The following SLC6A15 variants were observed in gnomAD, a reference collection of about 807,000 sequenced individuals.
SLC6A15 encodes solute carrier family 6 member 15, also known as sodium-dependent neutral amino acid transporter B(0)AT2.
In SLC6A15, 33 loss-of-function variants were observed where a neutral mutation model predicts 68.5. The ratio of observed to expected loss-of-function variants is 0.48; its 90% CI spans 0.37 to 0.64. SLC6A15 has a LOEUF of 0.64. Among genes scored for constraint, SLC6A15 ranks in the 30% least tolerant of loss-of-function variants. The pLI is 0.00. For synonymous variants in SLC6A15, 347 were observed against 301.0 expected, an observed-to-expected ratio of 1.15 and a Z score of -1.58; for missense variants, 747 against 874.3, an observed-to-expected ratio of 0.85 and a Z score of 1.84.
At chr12:84,899,818 T>C (rs779986128) in intron 1 of SLC6A15, among the ~76,000 whole-genome samples, 14 of 152,140 alleles carry the variant, frequency 9.2e-5, no homozygotes, top group Non-Finnish European at 1.6e-4. Context: ...TCTTCATATA[T>C]TTTTCAAAAT....
rs766876266 is a variant in SLC6A15 at position 84,892,043 on chromosome 12, A to G, written c.78T>C (p.Asn26=). 6.8e-6 allele frequency: 11 copies of G among 1,613,380 alleles called. No individual in the cohort carries two copies. The highest frequency in any genetic ancestry group is 9.3e-6 in the Non-Finnish European group (11 of 1,179,870). The part of the protein sequence containing the change: ...VTESVKDLLS[N]EDAADDAFKT... ...TAAAAGCATCATCAGCTGCGTCTTC[A>G]TTGGAAAGAAGGTCTTTGACAGACT... Residue 26 remains asparagine, a synonymous_variant, in exon 2 of 12, where the codon AAT becomes AAC. Coordinates refer to ENST00000266682, the MANE Select transcript of SLC6A15 (RefSeq NM_182767.6).
At chr12:84,885,629 C>A in intron 3 of SLC6A15, 68 bp from the exon 4 acceptor site, 3 of 1,431,820 alleles carry the variant, frequency 2.1e-6, no homozygotes, top group Non-Finnish European at 2.8e-6. Context: ...AGATCAAATG[C>A]ATAAAATTTT....
chr12:84,905,218 T>C (rs907084203), intron 1 of SLC6A15, among the ~76,000 whole-genome samples: 5 of 152,200 alleles, frequency 3.3e-5, no homozygotes, highest in African/African-American at 1.2e-4. Context: ...TTATATTCCA[T>C]GATCAAGTAG....
chr12:84,904,352 G>C (rs1342057686), intron 1 of SLC6A15, among the ~76,000 whole-genome samples: 1 of 151,966 alleles, frequency 6.6e-6, no homozygotes, highest in Non-Finnish European at 1.5e-5. Context: ...ACACCAATTA[G>C]AGCAAATGAA....
At chr12:84,864,305 G>T (rs1870978235) in intron 10 of SLC6A15, among the ~76,000 whole-genome samples, 1 of 148,702 alleles carries the variant, frequency 6.7e-6, no homozygotes, top group African/African-American at 2.5e-5. Flanking sequence ...TGTCTCTTGA[G>T]TCCATTCTTT....
intron 1 of SLC6A15, among the ~76,000 whole-genome samples, chr12:84,908,555 A>G (rs1001726772): frequency 4.7e-5 from 7 of 149,908 alleles, no homozygotes; most frequent in African/African-American, 1.7e-4. Flanking sequence ...TATATTTTGA[A>G]TACAAAATAC....
intron 6 of SLC6A15, among the ~76,000 whole-genome samples, chr12:84,875,445 G>A (rs552763337): frequency 9.2e-5 from 14 of 151,780 alleles, no homozygotes; most frequent in East Asian, 7.8e-4. Context: ...CTTCTTTTAC[G>A]CAGTATCAAG....
At chr12:84,898,025 T>C (rs560243295) in intron 1 of SLC6A15, among the ~76,000 whole-genome samples, 118 of 152,314 alleles carry the variant, frequency 7.7e-4, no homozygotes, top group African/African-American at 2.8e-3. Flanking sequence ...TCATCTTTCA[T>C]GTAGGAAGTA....
chr12:84,872,887 A>C, intron 7 of SLC6A15, 93 bp from the exon 8 acceptor site: 1 of 1,210,280 alleles, frequency 8.3e-7, no homozygotes, highest in Non-Finnish European at 1.1e-6. Flanking sequence ...ATGAATGAGC[A>C]ATGTTCCCAA....
chr12:84,903,766 C>T (rs187794292), intron 1 of SLC6A15, among the ~76,000 whole-genome samples: 306 of 152,146 alleles, frequency 2.0e-3, no homozygotes, highest in Middle Eastern at 3.4e-3. Flanking sequence ...CTGGATCTTC[C>T]GAAATCATAT....
rs1053616416 is a variant in SLC6A15, at chr12:84,870,517, T to C, written c.1456A>G (p.Ile486Val). ...TTCCTCACTTTGAAAGTGTCCACAA[T>C]AGGCGTGACAATCCCTTCAATGGTT... is the stretch of plus-strand genomic sequence containing the variant. ...FGTIEGIVTP[I>V]VDTFKVRKEI... Residue 486 changes from isoleucine to valine, a missense_variant, in exon 9 of 12, where the codon ATT becomes GTT. Coordinates refer to ENST00000266682, the MANE Select transcript of SLC6A15 (RefSeq NM_182767.6). The C allele has an allele frequency of 6.3e-7, 1 of 1,578,722 alleles. No individual in the cohort carries two copies. The highest frequency in any genetic ancestry group is 8.6e-7 in the Non-Finnish European group (1 of 1,161,018).
rs1475235254 is a variant in SLC6A15 at position 84,867,187 on chromosome 12, C to G, written c.1502G>C (p.Cys501Ser). 1 of 1,592,584 alleles carries G rather than the reference C, an allele frequency of 6.3e-7. No individual in the cohort carries two copies. Reference sequence around the variant, plus strand: ...GCCAATACAAAATGCCAGAAGACAACAGATAACTAGACAAAAGAAATAAAT... The same window carrying G: ...GCCAATACAAAATGCCAGAAGACAAGAGATAACTAGACAAAAGAAATAAAT... Reference protein sequence around the residue: ...KVRKEILTVICCLLAFCIGLI... With the variant: ...KVRKEILTVISCLLAFCIGLI... The change falls in exon 10 of 12, where the codon TGT becomes TCT. Residue 501 changes from cysteine to serine, a missense_variant. Cys to Ser is a moderately radical substitution (Grantham distance 112, BLOSUM62 -1). Transcript: ENST00000266682.
chr12:84,891,733 A>C, intron 2 of SLC6A15, 99 bp downstream of exon 2: 1 of 1,242,322 alleles, frequency 8.0e-7, no homozygotes, highest in Non-Finnish European at 1.1e-6. Context: ...AATGAAATTG[A>C]AAGTTTCAAA....
chr12:84,871,880 C>A (rs566496805), intron 8 of SLC6A15, among the ~76,000 whole-genome samples: 2 of 152,090 alleles, frequency 1.3e-5, no homozygotes, highest in East Asian at 3.9e-4. Context: ...CGGTTGGGCA[C>A]GGTGGCTGAG....
At chr12:84,878,469 T>C (rs1008882163) in intron 5 of SLC6A15, among the ~76,000 whole-genome samples, 5 of 152,258 alleles carry the variant, frequency 3.3e-5, no homozygotes, top group Non-Finnish European at 7.4e-5. Context: ...GGATTCACTT[T>C]TGAACAATAG....
At chr12:84,887,394 A>G (rs1872164585) in intron 2 of SLC6A15, among the ~76,000 whole-genome samples, 1 of 152,136 alleles carries the variant, frequency 6.6e-6, no homozygotes, top group African/African-American at 2.4e-5. Flanking sequence ...TTTTCAAATT[A>G]TTTATCTCAG....
intron 2 of SLC6A15, among the ~76,000 whole-genome samples, chr12:84,889,811 A>C (rs1307711725): frequency 6.6e-6 from 1 of 152,186 alleles, no homozygotes; most frequent in African/African-American, 2.4e-5. Flanking sequence ...TAGTGTGTAA[A>C]AGAACCAGGC....
At chr12:84,890,388 C>T (rs938753760) in intron 2 of SLC6A15, among the ~76,000 whole-genome samples, 2 of 151,988 alleles carry the variant, frequency 1.3e-5, no homozygotes, top group African/African-American at 2.4e-5. Context: ...GTGGTCAATA[C>T]GACTTACAAG....
intron 6 of SLC6A15, chr12:84,874,403 T>A (rs375202946): frequency 9.2e-5 from 14 of 152,316 alleles, no homozygotes; most frequent in South Asian, 4.1e-4. Context: ...GCATTTTATA[T>A]GGTTTAACTC....
Sources: gnomAD v4.1 joint callset for allele counts (sites outside exome capture counted in the v4.1 genomes callset) on GRCh38, gnomAD v4.1.1 for gene constraint, MANE v1.5 for transcripts, NCBI Gene and HGNC (gene_info 2026-07-23, HGNC 2026-07-21) for gene names.